Variants in GNAL observed in about 807,000 individuals in gnomAD.
The protein encoded by GNAL is guanine nucleotide-binding protein G(olf) subunit alpha.
In GNAL, 18 loss-of-function variants were observed where a neutral mutation model predicts 55.1. The observed-to-expected ratio is 0.33, with a 90% CI of 0.23 to 0.48. GNAL has a LOEUF of 0.48. Among genes scored for constraint, GNAL ranks in the 20% least tolerant of loss-of-function variants. GNAL has a pLI of 0.99. For synonymous variants in GNAL, 253 were observed against 237.0 expected, an observed-to-expected ratio of 1.07 and a Z score of -0.62; for missense variants, 412 against 614.1, an observed-to-expected ratio of 0.67 and a Z score of 3.48.
At chr18:11,834,839 G>A (rs2035465745) in intron 5 of GNAL, among the ~76,000 whole-genome samples, 1 of 152,200 alleles carries the variant, frequency 6.6e-6, no homozygotes, top group African/African-American at 2.4e-5. Context: ...TGGGTTATGG[G>A]TTACGTTGTC....
At chr18:11,726,518 C>CA (rs2032214538) in intron 1 of GNAL, among the ~76,000 whole-genome samples, 2 of 152,060 alleles carry the variant, frequency 1.3e-5, no homozygotes, top group African/African-American at 4.8e-5. Flanking sequence ...TCTGAGCTCC[C>CA]AGGCCTCTGC....
At chr18:11,698,269 G>A (rs1036406719) in intron 1 of GNAL, among the ~76,000 whole-genome samples, 28 of 152,138 alleles carry the variant, frequency 1.8e-4, no homozygotes, top group African/African-American at 6.5e-4. Context: ...GAGGCGGGTG[G>A]ATCATGAGGT....
At chr18:11,758,702 A>G (rs1266497480) in intron 4 of GNAL, among the ~76,000 whole-genome samples, 2 of 152,114 alleles carry the variant, frequency 1.3e-5, no homozygotes, top group African/African-American at 2.4e-5. Context: ...TCATGAATAC[A>G]CCCAAAGCTT....
intron 5 of GNAL, among the ~76,000 whole-genome samples, chr18:11,861,439 A>C (rs961915270): frequency 1.3e-5 from 2 of 152,118 alleles, no homozygotes; most frequent in African/African-American, 4.8e-5. Context: ...GGTTCATTCC[A>C]CCATATTTAC....
At chr18:11,695,946 A>G (rs1020564846) in intron 1 of GNAL, among the ~76,000 whole-genome samples, 2 of 152,222 alleles carry the variant, frequency 1.3e-5, no homozygotes, top group Middle Eastern at 3.4e-3. Flanking sequence ...ACACACACAC[A>G]CACACAAAGG....
At chr18:11,824,015 G>A (rs933265519) in intron 4 of GNAL, among the ~76,000 whole-genome samples, 49 of 152,010 alleles carry the variant, frequency 3.2e-4, no homozygotes, top group African/African-American at 1.2e-3. Context: ...CATGGCTCTG[G>A]AATGAACGAA....
intron 1 of GNAL, among the ~76,000 whole-genome samples, chr18:11,726,655 T>C (rs2032218222): frequency 6.6e-6 from 1 of 152,188 alleles, no homozygotes; most frequent in African/African-American, 2.4e-5. Context: ...TTTCTGTCTC[T>C]GGGGTAGGCT....
intron 5 of GNAL, among the ~76,000 whole-genome samples, chr18:11,839,197 T>C (rs2035559917): frequency 1.3e-5 from 2 of 152,182 alleles, no homozygotes; most frequent in South Asian, 4.1e-4. Context: ...GTGTTATCAC[T>C]GTTCTTTTTC....
rs141382628 is a variant in GNAL at position 11,884,387 on chromosome 18, T to C, written c.*3252T>C. The stretch of plus-strand genomic sequence containing the variant: ...TCTCATCATCCACTTGATTCTAACA[T>C]GATCTCTGCCCAAAGTTCCATTTCT... On this transcript the variant is annotated 3_prime_UTR_variant, in exon 12 of 12. Coordinates refer to ENST00000334049, the MANE Select transcript of GNAL (RefSeq NM_182978.4). The C allele has an allele frequency of 1.2e-3, 1,886 of 1,551,660 alleles. 13 individuals are homozygous for C. In the African/African-American group the frequency reaches 0.022, roughly 18 times the overall value.
At chr18:11,858,133 C>T (rs574097228) in intron 5 of GNAL, among the ~76,000 whole-genome samples, 3 of 152,092 alleles carry the variant, frequency 2.0e-5, no homozygotes, top group South Asian at 2.1e-4. Context: ...AATTCTTTGA[C>T]GCCAACAACA....
intron 1 of GNAL, among the ~76,000 whole-genome samples, chr18:11,732,366 CTAGTGGATGTGAGATG>C (rs1235009704): frequency 6.6e-6 from 1 of 152,168 alleles, no homozygotes; most frequent in African/African-American, 2.4e-5. Context: ...TGTAGCCATC[CTAGTGGATGTGAGATG>C]TTATTCACTG....
At chr18:11,854,850 C>T (rs1041989558) in intron 5 of GNAL, among the ~76,000 whole-genome samples, 11 of 152,200 alleles carry the variant, frequency 7.2e-5, no homozygotes, top group African/African-American at 2.2e-4. Flanking sequence ...CCAAATTCAC[C>T]CTCAGTCTTA....
chr18:11,868,733 C>T lies in GNAL; in HGVS notation c.1031+70C>T, dbSNP rs751568893. ...TTCTTTTGTTAAAAATACGCTCAGGCCAGGCGTTGTGGCTCACACCTGTAA... is the reference window on the plus strand; with the variant it reads ...TTCTTTTGTTAAAAATACGCTCAGGTCAGGCGTTGTGGCTCACACCTGTAA... On this transcript the variant is annotated intron_variant, in intron 9 of 11. Transcript: ENST00000334049. This position sits in a 1 kb window ranked among gnomAD's most constrained non-coding sequence, Gnocchi z 4.0. 22 of 1,369,720 alleles carry T rather than the reference C, an allele frequency of 1.6e-5. No individual in the cohort carries two copies. The highest frequency in any genetic ancestry group is 2.1e-5 in the Non-Finnish European group (21 of 987,434). The allele number at this position is 1,369,720 out of a possible 1,614,324, so 84.8% of individuals were successfully genotyped here. A position where few individuals can be genotyped will look rare whatever the true frequency, so the allele number is the denominator to read the frequency against.
At chr18:11,763,525 C>T (rs900539234) in intron 4 of GNAL, among the ~76,000 whole-genome samples, 1 of 151,992 alleles carries the variant, frequency 6.6e-6, no homozygotes, top group African/African-American at 2.4e-5. Context: ...AGGCATAGCC[C>T]ACCACCATGC....
At chr18:11,741,249 G>A (rs951597200) in intron 1 of GNAL, among the ~76,000 whole-genome samples, 2 of 152,200 alleles carry the variant, frequency 1.3e-5, no homozygotes, top group African/African-American at 4.8e-5. Context: ...GGGAAAGGGT[G>A]GAGGCTTTGG....
chr18:11,754,073 G>T, intron 4 of GNAL, 128 bp downstream of exon 4: 1 of 719,152 alleles, frequency 1.4e-6, no homozygotes, highest in Non-Finnish European at 2.4e-6. Flanking sequence ...CTCTCTAAAT[G>T]CATAAGAGGA....
chr18:11,743,156 G>A (rs1598423645), intron 1 of GNAL, among the ~76,000 whole-genome samples: 1 of 152,302 alleles, frequency 6.6e-6, no homozygotes, highest in East Asian at 1.9e-4. Context: ...CATGGGATCA[G>A]TGCTAGTTCT....
chr18:11,850,049 C>T (rs539908970), intron 5 of GNAL, among the ~76,000 whole-genome samples: 1 of 152,316 alleles, frequency 6.6e-6, no homozygotes, highest in Admixed American at 6.5e-5. Context: ...GAAGGACTGG[C>T]AGGGTGTCAA....
intron 11 of GNAL, among the ~76,000 whole-genome samples, chr18:11,877,434 G>A (rs1031044900): frequency 2.1e-4 from 31 of 151,156 alleles, no homozygotes; most frequent in Admixed American, 5.3e-4. Flanking sequence ...CAGCCTGGCC[G>A]ACAGAGCGAG....
Sources: gnomAD v4.1 joint callset for allele counts (sites outside exome capture counted in the v4.1 genomes callset) on GRCh38, gnomAD v4.1.1 for gene constraint, Gnocchi (gnomAD v3.1) non-coding constraint, MANE v1.5 for transcripts, NCBI Gene and HGNC (gene_info 2026-07-23, HGNC 2026-07-21) for gene names.